The following OSBPL3 variants were observed in gnomAD, a reference collection of about 807,000 sequenced individuals.
OSBPL3 encodes the protein oxysterol-binding protein-related protein 3.
In OSBPL3, 65 loss-of-function variants were observed where a neutral mutation model predicts 120.1. That is an observed-to-expected ratio of 0.54 (90% CI 0.44 to 0.67). The LOEUF is 0.67. OSBPL3 is among the 30% of genes least tolerant of loss of function. OSBPL3 has a pLI of 0.00. For synonymous variants in OSBPL3, 416 were observed against 402.6 expected (o/e 1.03, Z -0.40); for missense variants, 1,004 against 1,082.1 (o/e 0.93, Z 1.01).
At chr7:24,978,631 T>C (rs956093886) in intron 1 of OSBPL3, among the ~76,000 whole-genome samples, 1 of 152,350 alleles carries the variant, frequency 6.6e-6, no homozygotes, top group South Asian at 2.1e-4. Flanking sequence ...CCTTGTATGA[T>C]ACTTGCGGGG....
intron 16 of OSBPL3, among the ~76,000 whole-genome samples, chr7:24,823,244 A>G (rs1433410619): frequency 6.6e-6 from 1 of 152,158 alleles, no homozygotes; most frequent in East Asian, 1.9e-4. Flanking sequence ...TCGGCCAACT[A>G]AAAAAAGAAC....
chr7:24,884,145 C>T (rs776500348), intron 2 of OSBPL3, among the ~76,000 whole-genome samples: 17 of 152,230 alleles, frequency 1.1e-4, no homozygotes, highest in Non-Finnish European at 2.4e-4. Context: ...CAATCATCCA[C>T]GTTCTTCTTG....
rs1291986717 is a variant in OSBPL3, at chr7:24,820,171, T to A, written c.1948+4A>T. On this transcript the variant is annotated splice_donor_region_variant and intron_variant, in intron 17 of 22. Transcript: ENST00000313367. The surrounding 1 kb of genome is among the most constrained non-coding windows in gnomAD (Gnocchi z 4.6). Reference sequence around the variant, plus strand: ...GATGGAAGTAAAATGTATTAGCACATTACCTTGCCAGAAAACAAAATTTCT... The same window carrying A: ...GATGGAAGTAAAATGTATTAGCACAATACCTTGCCAGAAAACAAAATTTCT... The A allele has an allele frequency of 6.3e-7, 1 of 1,593,556 alleles. No individual in the cohort carries two copies. Among genetic ancestry groups the A allele is most frequent in the Admixed American group, 1.7e-5 (1 of 59,942 alleles).
chr7:24,830,829 A>G lies in OSBPL3; in HGVS notation c.1823T>C (p.Val608Ala). Residue 608 changes from valine (V) to alanine (A), a missense_variant, in exon 16 of 23, where the codon GTT becomes GCT. Around this residue, in one of 4 missense-constraint regions of OSBPL3, gnomAD observed 473 missense variants for 568.0 expected, o/e 0.83. Coordinates refer to ENST00000313367, the MANE Select transcript of OSBPL3 (RefSeq NM_015550.4). This position sits in a 1 kb window ranked among gnomAD's most constrained non-coding sequence, Gnocchi z 4.4. Reference protein sequence around the residue: ...YRAGSKPFNPVLGETYECIRE... With the variant: ...YRAGSKPFNPALGETYECIRE... ...AATACATTCATATGTTTCTCCAAGA[A>G]CCGGATTAAATGGCTTGCTTCCAGC... The G allele has an allele frequency of 5.0e-6, 8 of 1,614,120 alleles. No individual in the cohort carries two copies. The highest frequency in any genetic ancestry group is 6.8e-6 in the Non-Finnish European group (8 of 1,180,000).
At chr7:24,910,653 G>A (rs948314512) in intron 1 of OSBPL3, among the ~76,000 whole-genome samples, 1 of 152,226 alleles carries the variant, frequency 6.6e-6, no homozygotes, top group African/African-American at 2.4e-5. Flanking sequence ...GAGATAAGAT[G>A]TCACAAATGA....
At position 24,863,228 on chromosome 7, in the gene OSBPL3, A is replaced by G. The variant is rs771121132; in HGVS notation, c.842T>C (p.Ile281Thr). The change falls in exon 9 of 23, where the codon ATT (isoleucine) becomes ACT (threonine). Residue 281 changes from isoleucine to threonine, a missense_variant. Transcript: ENST00000313367. This position sits in a 1 kb window ranked among gnomAD's most constrained non-coding sequence, Gnocchi z 5.8. ...CAGTGTTCCTTTAGCATCTTTGCCA[A>G]TAGCTCTGGACCGCCACCTCCTGTG... is the stretch of plus-strand genomic sequence containing the variant. Reference protein sequence around the residue: ...RSHRRWRSRAIGKDAKGTLQV... With the variant: ...RSHRRWRSRATGKDAKGTLQV... 34 of 1,614,014 alleles carry G rather than the reference A, an allele frequency of 2.1e-5. No individual in the cohort carries two copies. Among genetic ancestry groups the G allele is most frequent in the Non-Finnish European group, 2.8e-5 (33 of 1,179,966 alleles).
chr7:24,884,508 C>T (rs1320195343), intron 2 of OSBPL3, among the ~76,000 whole-genome samples: 1 of 152,156 alleles, frequency 6.6e-6, no homozygotes, highest in Non-Finnish European at 1.5e-5. Context: ...TTCCTGAGAG[C>T]AGCCTAGACA....
rs10480033 is a variant in OSBPL3, at chr7:24,932,532, T to C, written c.-149-39911A>G. ...GGGTCTTTGGGAGGTGATTAGGTCA[T>C]GAAGGCAGAGCCCTCATGAATGGGA... On this transcript the variant is annotated intron_variant, in intron 1 of 22. Coordinates refer to ENST00000313367, the MANE Select transcript of OSBPL3 (RefSeq NM_015550.4). This position sits in a 1 kb window ranked among gnomAD's most constrained non-coding sequence, Gnocchi z 5.6. Among the ~76,000 whole-genome samples the C allele has an allele frequency of 0.32, 48,384 of 151,910 alleles. 7,923 individuals carry two copies. Among genetic ancestry groups the C allele is most frequent in the South Asian group, 0.42 (2,030 of 4,814 alleles).
rs1484060565 is a variant in OSBPL3 at position 24,946,972 on chromosome 7, T to C, written c.-150+32914A>G. ...TGGCTTGTGCTCAAAACGAAAAGGA[T>C]AAGCATTATTGTTCATTATTCTTGC... On this transcript the variant is annotated intron_variant, in intron 1 of 22. Transcript: ENST00000313367. The surrounding 1 kb of genome is among the most constrained non-coding windows in gnomAD (Gnocchi z 4.3). 1.3e-5 allele frequency among the ~76,000 whole-genome samples: 2 copies of C among 152,222 alleles called. No individual in the cohort carries two copies. The highest frequency in any genetic ancestry group is 4.8e-5 in the African/African-American group (2 of 41,462).
At chr7:24,973,393 T>C (rs1424370896) in intron 1 of OSBPL3, among the ~76,000 whole-genome samples, 1 of 152,228 alleles carries the variant, frequency 6.6e-6, no homozygotes, top group Non-Finnish European at 1.5e-5. Flanking sequence ...ATTCCACTCA[T>C]ACTCAAGGGG....
intron 1 of OSBPL3, 107 bp from the exon 2 acceptor site, chr7:24,892,728 G>C (rs1355449817): frequency 5.8e-6 from 4 of 695,332 alleles, no homozygotes; most frequent in Non-Finnish European, 7.8e-6. Flanking sequence ...ACAGACTCAC[G>C]ATGTTTAGCT....
chr7:24,956,964 C>T (rs1336928683), intron 1 of OSBPL3, among the ~76,000 whole-genome samples: 1 of 152,106 alleles, frequency 6.6e-6, no homozygotes, highest in African/African-American at 2.4e-5. Flanking sequence ...ATTTTGGGCA[C>T]ATCCCTTTAC....
chr7:24,846,268 T>A (rs1173220980), intron 12 of OSBPL3, among the ~76,000 whole-genome samples: 2 of 152,220 alleles, frequency 1.3e-5, no homozygotes, highest in African/African-American at 4.8e-5. Flanking sequence ...GAGAAAAGGA[T>A]TGCTTTGGCC....
At chr7:24,838,914 C>A (rs1797345626) in intron 14 of OSBPL3, among the ~76,000 whole-genome samples, 1 of 152,190 alleles carries the variant, frequency 6.6e-6, no homozygotes, top group South Asian at 2.1e-4. Flanking sequence ...GACCTTTCCA[C>A]TAAGGGGTTC....
In OSBPL3 at chr7:24,800,071, A is replaced by C; in HGVS notation, c.*112T>G. ...CTTAAAGAGTTACAATGCTAAGCTA[A>C]GCACAAGTGATCATCCTAGAGTATC... On this transcript the variant is annotated 3_prime_UTR_variant, in exon 23 of 23. Coordinates refer to ENST00000313367, the MANE Select transcript of OSBPL3 (RefSeq NM_015550.4). 1.6e-6 allele frequency: 1 copy of C among 611,382 alleles called. No individual in the cohort carries two copies. Among genetic ancestry groups the C allele is most frequent in the Non-Finnish European group, 3.0e-6 (1 of 337,922 alleles). 37.9% of individuals were successfully genotyped at this position (611,382 alleles called of 1,614,324 possible).
At chr7:24,925,085 T>C (rs903104597) in intron 1 of OSBPL3, among the ~76,000 whole-genome samples, 1 of 152,224 alleles carries the variant, frequency 6.6e-6, no homozygotes, top group African/African-American at 2.4e-5. Context: ...TAAAGATTTC[T>C]AAATGACATG....
intron 1 of OSBPL3, among the ~76,000 whole-genome samples, chr7:24,910,920 A>G (rs1191815967): frequency 2.0e-5 from 3 of 152,210 alleles, no homozygotes; most frequent in Non-Finnish European, 4.4e-5. Flanking sequence ...GGAAGCTTCT[A>G]CAAAATCCCA....
At position 24,896,109 on chromosome 7, in the gene OSBPL3, G is replaced by T. The variant is rs143757127; in HGVS notation, c.-149-3488C>A. On this transcript the variant is annotated intron_variant, in intron 1 of 22. Transcript: ENST00000313367. The surrounding 1 kb of genome is among the most constrained non-coding windows in gnomAD (Gnocchi z 4.4). ...CCCAGCTTACAGGAACAGGTTTTAT[G>T]GCTACTTTGGTGCATTCTGCCTAAT... Among the ~76,000 whole-genome samples, 4 of 152,274 alleles carry T rather than the reference G, an allele frequency of 2.6e-5. No homozygotes were observed. The highest frequency in any genetic ancestry group is 5.9e-5 in the Non-Finnish European group (4 of 68,022).
chr7:24,852,101 C>T lies in OSBPL3; in HGVS notation c.1158+403G>A, dbSNP rs915896103. 6.6e-6 allele frequency among the ~76,000 whole-genome samples: 1 copy of T among 152,198 alleles called. No homozygotes were observed. The highest frequency in any genetic ancestry group is 6.5e-5 in the Admixed American group (1 of 15,276). On this transcript the variant is annotated intron_variant, in intron 11 of 22. Transcript: ENST00000313367. This position sits in a 1 kb window ranked among gnomAD's most constrained non-coding sequence, Gnocchi z 4.1. Reference sequence around the variant, plus strand: ...AGCATGAATTGGAAATTTCACTCTGCCACCTGTCATTTGGAAAGTAAGGCT... The same window carrying T: ...AGCATGAATTGGAAATTTCACTCTGTCACCTGTCATTTGGAAAGTAAGGCT...
Sources: allele counts gnomAD v4.1 joint callset (sites outside exome capture counted in the v4.1 genomes callset), GRCh38; gene constraint gnomAD v4.1.1; regional missense constraint gnomAD v4.1.1; non-coding constraint Gnocchi (gnomAD v3.1); transcripts MANE v1.5; gene names NCBI Gene and HGNC (gene_info 2026-07-23, HGNC 2026-07-21).